TRRAP: variants seen among roughly 807,000 people sequenced by gnomAD.
TRRAP encodes the protein transformation/transcription domain associated protein, also known as transformation/transcription domain-associated protein.
Under a neutral mutation model 438.8 loss-of-function variants are expected in TRRAP, and 41 were observed. The observed-to-expected ratio is 0.09, with a 90% CI of 0.07 to 0.12. The LOEUF (loss-of-function observed/expected upper bound fraction) is 0.12. TRRAP is among the 10% of genes least tolerant of loss of function. The pLI, the probability that TRRAP is intolerant of heterozygous loss-of-function variation, is 1.00. For missense variants in TRRAP, 3,122 were observed against 5,055.1 expected (o/e 0.62, Z 11.60); for synonymous variants, 1,994 against 1,962.9 (o/e 1.02, Z -0.42).
intron 45 of TRRAP, 62 bp downstream of exon 45, chr7:98,959,552 C>A: frequency 6.4e-7 from 1 of 1,573,434 alleles, no homozygotes; most frequent in Admixed American, 1.8e-5. Flanking sequence ...GATACTGTCA[C>A]CTGGGCAGGG....
At chr7:98,916,160 T>A (rs1174771400) in intron 19 of TRRAP, among the ~76,000 whole-genome samples, 1 of 152,018 alleles carries the variant, frequency 6.6e-6, no homozygotes, top group Non-Finnish European at 1.5e-5. Context: ...TAGGGCTTGG[T>A]TGCATTTTTA....
chr7:98,972,967 G>A (rs1489474626), intron 53 of TRRAP, among the ~76,000 whole-genome samples: 1 of 152,002 alleles, frequency 6.6e-6, no homozygotes, highest in East Asian at 1.9e-4. Context: ...TATGGGCCAG[G>A]CACTTCTTTT....
chr7:98,972,905 G>A (rs1792481605), intron 53 of TRRAP, among the ~76,000 whole-genome samples: 2 of 152,216 alleles, frequency 1.3e-5, no homozygotes, highest in Admixed American at 6.5e-5. Flanking sequence ...TTTTCTGTGG[G>A]ATGGAGCGGG....
At chr7:98,879,815 C>T (rs1433169469) in intron 1 of TRRAP, among the ~76,000 whole-genome samples, 1 of 152,076 alleles carries the variant, frequency 6.6e-6, no homozygotes, top group Non-Finnish European at 1.5e-5. Flanking sequence ...AGAGAGTGGC[C>T]GGAAGGAGCT....
chr7:98,934,781 G>A lies in TRRAP; in HGVS notation c.4015-798G>A, dbSNP rs142834270. Among the ~76,000 whole-genome samples, 14 of 152,160 alleles carry A rather than the reference G, an allele frequency of 9.2e-5. No individual in the cohort carries two copies. The East Asian group carries it at 2.1e-3, about 23-fold the overall frequency. ...TCCATACCTGCACGCATATATACACGCATGCCCTTATATGTGAGGAGAGTA... is the reference window on the plus strand; with the variant it reads ...TCCATACCTGCACGCATATATACACACATGCCCTTATATGTGAGGAGAGTA... On this transcript the variant is annotated intron_variant, in intron 27 of 72. Transcript: ENST00000456197.
At chr7:98,933,424 G>A in intron 27 of TRRAP, 22 bp downstream of exon 27, 2 of 1,608,298 alleles carry the variant, frequency 1.2e-6, no homozygotes, top group Non-Finnish European at 1.7e-6. Context: ...GTGGTGCGGA[G>A]TGGTGTGGAT....
In TRRAP at chr7:98,930,212, G is replaced by A; in HGVS notation, c.3393+6G>A. On this transcript the variant is annotated splice_donor_region_variant and intron_variant, in intron 24 of 72. Coordinates refer to ENST00000456197, the MANE Select transcript of TRRAP (RefSeq NM_001375524.1). Reference sequence around the variant, plus strand: ...TCCTGGGCTCCAAGGAGAGGGTAAGGAAGGGTTGAGGAGTGTCTTCTGATT... The same window carrying A: ...TCCTGGGCTCCAAGGAGAGGGTAAGAAAGGGTTGAGGAGTGTCTTCTGATT... The A allele has an allele frequency of 6.2e-7, 1 of 1,614,054 alleles. No individual in the cohort carries two copies.
At position 98,929,893 on chromosome 7, in the gene TRRAP, T is replaced by A. The variant is rs1391406306; in HGVS notation, c.3176-96T>A. 1.6e-5 allele frequency: 22 copies of A among 1,383,826 alleles called. No individual in the cohort carries two copies. The East Asian group carries it at 5.1e-4, about 32-fold the overall frequency. 85.7% of individuals were successfully genotyped at this position (1,383,826 alleles called of 1,614,324 possible). ...ACGGGTGTGAGCCGCCGTGCCCTGC[T>A]TTTTATGGAGTTTCTAACTTCAAGG... On this transcript the variant is annotated intron_variant, in intron 23 of 72. Coordinates refer to ENST00000456197, the MANE Select transcript of TRRAP (RefSeq NM_001375524.1).
intron 68 of TRRAP, 106 bp downstream of exon 68, chr7:99,004,521 C>G: frequency 1.1e-6 from 1 of 947,470 alleles, no homozygotes; most frequent in Non-Finnish European, 1.6e-6. Context: ...GACACAGATT[C>G]CCTGACATGG....
At chr7:99,009,086 C>G (rs1241920537) in intron 70 of TRRAP, among the ~76,000 whole-genome samples, 1 of 152,148 alleles carries the variant, frequency 6.6e-6, no homozygotes, top group Admixed American at 6.5e-5. Flanking sequence ...GCATGGTGCC[C>G]GCAGGAGTCT....
chr7:98,939,694 C>T (rs557914292), intron 30 of TRRAP, among the ~76,000 whole-genome samples: 1 of 152,286 alleles, frequency 6.6e-6, no homozygotes, highest in African/African-American at 2.4e-5. Context: ...CTAATCAGAG[C>T]TCATCCAATA....
chr7:98,966,382 A>G (rs1380862241), intron 49 of TRRAP, among the ~76,000 whole-genome samples: 1 of 152,128 alleles, frequency 6.6e-6, no homozygotes, highest in Non-Finnish European at 1.5e-5. Context: ...GCTCATCTTA[A>G]TGTGGCTTTG....
chr7:98,932,631 A>G (rs1554413205), intron 26 of TRRAP, among the ~76,000 whole-genome samples: 1 of 152,170 alleles, frequency 6.6e-6, no homozygotes, highest in Non-Finnish European at 1.5e-5. Context: ...GGCGTGAGCC[A>G]CCGTGCCTAT....
chr7:98,881,619 A>C (rs2116225809), intron 2 of TRRAP: 1 of 283,950 alleles, frequency 3.5e-6, no homozygotes, highest in East Asian at 6.5e-5. Flanking sequence ...CATTTATCTC[A>C]GCTCAGATGT....
chr7:98,935,852 A>C (rs571913952), intron 28 of TRRAP, among the ~76,000 whole-genome samples, 177 bp downstream of exon 28: 2 of 152,246 alleles, frequency 1.3e-5, no homozygotes, highest in Non-Finnish European at 2.9e-5. Context: ...ATGAGATGCC[A>C]TAAAATTACA....
rs782000255 is a variant in TRRAP at position 98,927,093 on chromosome 7, T to A, written c.2976-74T>A. The A allele has an allele frequency of 3.2e-5, 49 of 1,533,142 alleles. No individual in the cohort carries two copies. The Middle Eastern group carries it at 6.9e-4, about 22-fold the overall frequency. 95.0% of individuals were successfully genotyped at this position (1,533,142 alleles called of 1,614,324 possible). ...GAGGGAAGCAAGCAGATTAAAAATTTGAAAAGAAGTCCTAGTGGAGTCATC... is the reference window on the plus strand; with the variant it reads ...GAGGGAAGCAAGCAGATTAAAAATTAGAAAAGAAGTCCTAGTGGAGTCATC... On this transcript the variant is annotated intron_variant, in intron 22 of 72. Transcript: ENST00000456197.
rs143867194 is a variant in TRRAP, at chr7:98,881,876, A to C, written c.101-99A>C. The C allele has an allele frequency of 1.6e-5, 22 of 1,345,436 alleles. No individual in the cohort carries two copies. In the African/African-American group the frequency reaches 2.9e-4, roughly 18 times the overall value. 83.3% of individuals were successfully genotyped at this position (1,345,436 alleles called of 1,614,324 possible). On this transcript the variant is annotated intron_variant, in intron 2 of 72. Coordinates refer to ENST00000456197, the MANE Select transcript of TRRAP (RefSeq NM_001375524.1). Reference sequence around the variant, plus strand: ...AGGCCATGACAGTCAAACTGATAAGATCTGATTGCTTCTCTTAAATTACTA... The same window carrying C: ...AGGCCATGACAGTCAAACTGATAAGCTCTGATTGCTTCTCTTAAATTACTA...
At chr7:98,967,384 T>G in intron 50 of TRRAP, 101 bp from the exon 51 acceptor site, 1 of 1,404,238 alleles carries the variant, frequency 7.1e-7, no homozygotes, top group Non-Finnish European at 9.8e-7. Flanking sequence ...GTTTTCATAG[T>G]GGCATTTCAG....
chr7:98,937,845 C>T (rs782277528), intron 30 of TRRAP, 25 bp downstream of exon 30: 84 of 1,575,108 alleles, frequency 5.3e-5, no homozygotes, highest in Non-Finnish European at 6.4e-5. Flanking sequence ...TTTAAACGCT[C>T]TGTAACAAAC....
Sources: gnomAD v4.1 joint callset for allele counts (sites outside exome capture counted in the v4.1 genomes callset) on GRCh38, gnomAD v4.1.1 for gene constraint, MANE v1.5 for transcripts, NCBI Gene and HGNC (gene_info 2026-07-23, HGNC 2026-07-21) for gene names.